Variants in HS2ST1 observed in about 807,000 individuals in gnomAD.
HS2ST1 encodes heparan sulfate 2-O-sulfotransferase 1, also known as 2-O-sulfotransferase.
In HS2ST1, 18 loss-of-function variants were observed where a neutral mutation model predicts 42.9. That is an observed-to-expected ratio of 0.42 (90% CI 0.29 to 0.62). HS2ST1 has a LOEUF of 0.62. Among genes scored for constraint, HS2ST1 ranks in the 20% least tolerant of loss-of-function variants. The pLI, the probability that HS2ST1 is intolerant of heterozygous loss-of-function variation, is 0.21. For synonymous variants in HS2ST1, 146 were observed against 152.9 expected, an observed-to-expected ratio of 0.95 and a Z score of 0.33; for missense variants, 334 against 433.8, an observed-to-expected ratio of 0.77 and a Z score of 2.04.
At chr1:87,086,245 C>T (rs929394771) in intron 3 of HS2ST1, among the ~76,000 whole-genome samples, 3 of 152,044 alleles carry the variant, frequency 2.0e-5, no homozygotes, top group Non-Finnish European at 4.4e-5. Context: ...ATATAAAAAT[C>T]GCATACTCAA....
rs1652369203 is a variant in HS2ST1 at position 87,108,095 on chromosome 1, C to T, written c.*3399C>T. On this transcript the variant is annotated 3_prime_UTR_variant, in exon 7 of 7. Transcript: ENST00000370550. ...GTTGGTGCCATCAGTGATTTACAAACAATATTTTGATATTGCAGATGACTT... is the reference window on the plus strand; with the variant it reads ...GTTGGTGCCATCAGTGATTTACAAATAATATTTTGATATTGCAGATGACTT... 1 of 152,040 alleles carries T rather than the reference C, an allele frequency of 6.6e-6. No individual in the cohort carries two copies. Among genetic ancestry groups the T allele is most frequent in the Admixed American group, 6.6e-5 (1 of 15,246 alleles). The allele number at this position is 152,040 out of a possible 1,614,324, so 9.4% of individuals were successfully genotyped here.
chr1:87,041,641 A>G (rs1457113820), intron 1 of HS2ST1, among the ~76,000 whole-genome samples: 1 of 152,076 alleles, frequency 6.6e-6, no homozygotes, highest in Non-Finnish European at 1.5e-5. Flanking sequence ...TTCTGCATCT[A>G]TGAGTTTGAC....
At chr1:87,029,431 A>C (rs1442509631) in intron 1 of HS2ST1, among the ~76,000 whole-genome samples, 2 of 152,210 alleles carry the variant, frequency 1.3e-5, no homozygotes, top group Non-Finnish European at 2.9e-5. Context: ...GTAATTCTGA[A>C]AAATATTGTC....
intron 1 of HS2ST1, among the ~76,000 whole-genome samples, chr1:86,938,577 T>C (rs901931315): frequency 3.4e-4 from 52 of 152,278 alleles, no homozygotes; most frequent in African/African-American, 1.2e-3. Flanking sequence ...GTGGGATAGA[T>C]GTTCAGATGT....
At position 86,914,927 on chromosome 1, in the gene HS2ST1, C is replaced by G; in HGVS notation, c.-110C>G. Reference sequence around the variant, plus strand: ...CTGCGGTGGTTCTCTCGCTGTCGCTCTCTCTTTGCCTCGCTCCCGGCTCGG... The same window carrying G: ...CTGCGGTGGTTCTCTCGCTGTCGCTGTCTCTTTGCCTCGCTCCCGGCTCGG... On this transcript the variant is annotated 5_prime_UTR_variant, in exon 1 of 7. Transcript: ENST00000370550. The G allele has an allele frequency of 7.2e-7, 1 of 1,380,744 alleles. No homozygotes were observed. Among genetic ancestry groups the G allele is most frequent in the East Asian group, 2.3e-5 (1 of 43,522 alleles). 85.5% of individuals were successfully genotyped at this position (1,380,744 alleles called of 1,614,324 possible). A position where few individuals can be genotyped will look rare whatever the true frequency, so the allele number is the denominator to read the frequency against.
chr1:87,046,613 C>G (rs756671749), intron 1 of HS2ST1: 35 of 1,576,716 alleles, frequency 2.2e-5, no homozygotes, highest in Middle Eastern at 1.7e-4. Context: ...GGCTGAAGTA[C>G]AAAGTCAAGG....
At chr1:87,013,597 C>G (rs980815658) in intron 1 of HS2ST1, among the ~76,000 whole-genome samples, 1 of 152,332 alleles carries the variant, frequency 6.6e-6, no homozygotes, top group African/African-American at 2.4e-5. Context: ...ACATTTGGCT[C>G]CTTGTTACTT....
chr1:87,056,731 A>G (rs1381830882), intron 1 of HS2ST1, among the ~76,000 whole-genome samples: 1 of 152,206 alleles, frequency 6.6e-6, no homozygotes, highest in Non-Finnish European at 1.5e-5. Flanking sequence ...ATACAATTCT[A>G]ATGTATTAAT....
At chr1:87,040,172 A>G (rs1557524458) in intron 1 of HS2ST1, among the ~76,000 whole-genome samples, 2 of 152,204 alleles carry the variant, frequency 1.3e-5, no homozygotes, top group Non-Finnish European at 2.9e-5. Flanking sequence ...TAGAGATTTT[A>G]AGAAATAAGA....
intron 1 of HS2ST1, chr1:87,045,836 A>G (rs1163314469): frequency 5.3e-6 from 4 of 748,418 alleles, no homozygotes; most frequent in African/African-American, 5.1e-5. Flanking sequence ...GCTCAGCTCC[A>G]TCCCCCTTTT....
chr1:87,017,669 A>T (rs1649800557), intron 1 of HS2ST1, among the ~76,000 whole-genome samples: 3 of 152,102 alleles, frequency 2.0e-5, no homozygotes, highest in Admixed American at 2.0e-4. Context: ...TACATATTTG[A>T]TGCTTTTTTA....
intron 1 of HS2ST1, among the ~76,000 whole-genome samples, chr1:87,025,058 G>C (rs1448071488): frequency 6.6e-6 from 1 of 152,226 alleles, no homozygotes; most frequent in African/African-American, 2.4e-5. Flanking sequence ...ATGCATTTCA[G>C]TGAGGGACTA....
rs545483177 is a variant in HS2ST1 at position 87,081,754 on chromosome 1, G to A, written c.364-2440G>A. Among the ~76,000 whole-genome samples, 187 of 152,000 alleles carry A rather than the reference G, an allele frequency of 1.2e-3. 1 individual carries two copies. The highest frequency in any genetic ancestry group is 4.1e-3 in the African/African-American group (171 of 41,452). ...AGTAATCTCAGCATTTTGGGAGGCC[G>A]AGGCGGGCAGATCACGAGGTCAAGA... On this transcript the variant is annotated intron_variant, in intron 2 of 6. Coordinates refer to ENST00000370550, the MANE Select transcript of HS2ST1 (RefSeq NM_012262.4).
At chr1:87,061,097 C>CA (rs1651109678) in intron 1 of HS2ST1, among the ~76,000 whole-genome samples, 1 of 151,912 alleles carries the variant, frequency 6.6e-6, no homozygotes, top group African/African-American at 2.4e-5. Context: ...TAAGGGCCTA[C>CA]AAAAATTTAT....
intron 1 of HS2ST1, among the ~76,000 whole-genome samples, chr1:87,014,029 C>T (rs1249155373): frequency 6.6e-6 from 1 of 152,210 alleles, no homozygotes; most frequent in Non-Finnish European, 1.5e-5. Context: ...AACTTTCCCA[C>T]ATCTTTCTGT....
intron 1 of HS2ST1, among the ~76,000 whole-genome samples, chr1:87,000,760 T>C (rs946388116): frequency 6.6e-6 from 1 of 152,230 alleles, no homozygotes; most frequent in African/African-American, 2.4e-5. Context: ...AGCTTTTGTA[T>C]GCTTCAGCTA....
At chr1:86,916,638 T>C (rs1660163256) in intron 1 of HS2ST1, among the ~76,000 whole-genome samples, 1 of 152,192 alleles carries the variant, frequency 6.6e-6, no homozygotes, top group Non-Finnish European at 1.5e-5. Context: ...GTATCTTGTG[T>C]GGTGGAAAAA....
intron 1 of HS2ST1, among the ~76,000 whole-genome samples, chr1:86,972,388 A>G (rs937137934): frequency 5.3e-5 from 8 of 152,042 alleles, no homozygotes; most frequent in African/African-American, 1.7e-4. Context: ...GTCTCATTCT[A>G]TCGCCCAGGC....
At chr1:86,979,545 AT>A (rs1382956317) in intron 1 of HS2ST1, among the ~76,000 whole-genome samples, 1 of 152,170 alleles carries the variant, frequency 6.6e-6, no homozygotes, top group Non-Finnish European at 1.5e-5. Flanking sequence ...GTGGAATTTC[AT>A]TTTTAAGGCT....
Sources: gnomAD v4.1 joint callset for allele counts (sites outside exome capture counted in the v4.1 genomes callset) on GRCh38, gnomAD v4.1.1 for gene constraint, MANE v1.5 for transcripts, NCBI Gene and HGNC (gene_info 2026-07-23, HGNC 2026-07-21) for gene names.